FRMPD4: variants seen among roughly 807,000 people sequenced by gnomAD.
FRMPD4 encodes FERM and PDZ domain-containing protein 4.
In FRMPD4, 22 loss-of-function variants were observed where a neutral mutation model predicts 94.1. That is an observed-to-expected ratio of 0.23 (90% CI 0.17 to 0.33). The LOEUF is 0.33. Ranked by LOEUF, FRMPD4 falls within the 10% of genes least tolerant of loss-of-function variation. The pLI is 1.00. For missense variants in FRMPD4, 1,111 were observed against 1,339.9 expected, an observed-to-expected ratio of 0.83 and a Z score of 2.67; for synonymous variants, 631 against 548.6, an observed-to-expected ratio of 1.15 and a Z score of -2.10.
At chrX:11,841,649 C>A (rs995772137) in intron 1 of FRMPD4, among the ~76,000 whole-genome samples, 2 of 110,766 alleles carry the variant, frequency 1.8e-5, no homozygotes, top group Admixed American at 9.6e-5. Context: ...GGATATTAGC[C>A]CTTTGTCACA....
intron 1 of FRMPD4, among the ~76,000 whole-genome samples, chrX:12,211,874 T>C (rs2056758708): frequency 1.8e-5 from 2 of 112,194 alleles, no homozygotes; most frequent in African/African-American, 6.5e-5. Context: ...ATTTTCTTAT[T>C]CCTTTCAGCT....
At chrX:12,236,058 C>A (rs2057067282) in intron 1 of FRMPD4, among the ~76,000 whole-genome samples, 1 of 111,513 alleles carries the variant, frequency 9.0e-6, no homozygotes, top group African/African-American at 3.3e-5. Flanking sequence ...AGGACACAGA[C>A]ACTAAACCAG....
At position 12,710,407 on chromosome X, in the gene FRMPD4, G is replaced by A. The variant is rs773949472; in HGVS notation, c.1479G>A (p.Thr493=). Residue 493 remains threonine (T), a synonymous_variant, in exon 14 of 17, where the codon ACG becomes ACA. Transcript: ENST00000675598. The part of the protein sequence containing the change: ...ELHVLDVKPI[T]LLMESSDAMN... ...TGTTCTCTTTTGTGTAGCCTATCAC[G>A]CTTCTGATGGAATCCTCAGATGCCA... The A allele has an allele frequency of 6.4e-5, 77 of 1,200,629 alleles. No homozygotes were observed. The East Asian group carries it at 1.3e-3, about 20-fold the overall frequency.
chrX:11,925,735 C>G (rs1246190986), intron 3 of FRMPD4, among the ~76,000 whole-genome samples: 1 of 111,889 alleles, frequency 8.9e-6, no homozygotes, highest in African/African-American at 3.2e-5. Context: ...ACCAGAATCT[C>G]TGGGACACAG....
intron 1 of FRMPD4, among the ~76,000 whole-genome samples, chrX:12,461,517 T>C (rs1175630660): frequency 8.9e-6 from 1 of 111,872 alleles, no homozygotes; most frequent in Non-Finnish European, 1.9e-5. Flanking sequence ...GCCATCAATG[T>C]CATAGTGAAT....
chrX:12,144,185 T>G (rs748296851), intron 1 of FRMPD4, among the ~76,000 whole-genome samples: 1 of 111,977 alleles, frequency 8.9e-6, no homozygotes, highest in South Asian at 3.7e-4. Context: ...ACCAGATAAG[T>G]GGATTTAGTT....
chrX:12,666,254 A>G (rs1437806458), intron 4 of FRMPD4, among the ~76,000 whole-genome samples: 1 of 111,852 alleles, frequency 8.9e-6, no homozygotes, highest in Non-Finnish European at 1.9e-5. Context: ...TATGCACCCA[A>G]TACAGGAGCA....
upstream of FRMPD4, among the ~76,000 whole-genome samples, chrX:12,137,566 TG>T (rs1160329009): frequency 3.2e-3 from 357 of 111,384 alleles, 1 homozygote; most frequent in African/African-American, 0.011. Context: ...CTTCACAGTC[TG>T]GGGGGAAATT....
Position 12,571,456 on chromosome X carries a change from C to T in FRMPD4, c.159-38265C>T, listed in dbSNP as rs778145903. Among the ~76,000 whole-genome samples the T allele has an allele frequency of 7.1e-5, 8 of 112,654 alleles. No individual in the cohort carries two copies. The East Asian group carries it at 2.2e-3, about 31-fold the overall frequency. ...CCCCTCCCTCTTCCTGCCTGTTTCCCCTTTCTCCTAGGAGCCATTTCAGGC... is the reference window on the plus strand; with the variant it reads ...CCCCTCCCTCTTCCTGCCTGTTTCCTCTTTCTCCTAGGAGCCATTTCAGGC... On this transcript the variant is annotated intron_variant, in intron 2 of 16. Coordinates refer to ENST00000675598, the MANE Select transcript of FRMPD4 (RefSeq NM_001368397.1).
chrX:12,227,527 G>A (rs1324142752), intron 1 of FRMPD4, among the ~76,000 whole-genome samples: 3 of 112,016 alleles, frequency 2.7e-5, no homozygotes, highest in African/African-American at 9.7e-5. Context: ...GTGGCCAGGT[G>A]TGGTGGCTCA....
intron 2 of FRMPD4, among the ~76,000 whole-genome samples, chrX:12,582,754 C>T (rs5979671): frequency 0.19 from 21,300 of 111,150 alleles, 2,077 homozygotes; most frequent in African/African-American, 0.37. Context: ...TCTGTGCACA[C>T]AGGCAAAGCA....
chrX:12,188,125 A>G (rs1450228052), intron 1 of FRMPD4, among the ~76,000 whole-genome samples: 1 of 111,763 alleles, frequency 8.9e-6, no homozygotes, highest in Non-Finnish European at 1.9e-5. Context: ...TCCCAGCCCT[A>G]CAACCTATCA....
chrX:12,610,451 A>G (rs2059170652), intron 3 of FRMPD4, among the ~76,000 whole-genome samples: 1 of 112,856 alleles, frequency 8.9e-6, no homozygotes, highest in African/African-American at 3.2e-5. Flanking sequence ...CCATGGCTAT[A>G]AGAAGAGAGT....
At chrX:12,354,517 T>C (rs947589694) in intron 1 of FRMPD4, among the ~76,000 whole-genome samples, 1 of 112,360 alleles carries the variant, frequency 8.9e-6, no homozygotes, top group Non-Finnish European at 1.9e-5. Context: ...GAGTTCATTT[T>C]CATGGTTTCA....
At chrX:12,494,177 C>T (rs1320146664) in intron 1 of FRMPD4, among the ~76,000 whole-genome samples, 5 of 112,163 alleles carry the variant, frequency 4.5e-5, no homozygotes, top group Non-Finnish European at 7.5e-5. Context: ...ACATTATCTT[C>T]TTGTAACAGT....
chrX:11,911,332 G>A (rs1333979913), intron 3 of FRMPD4, among the ~76,000 whole-genome samples: 2 of 112,399 alleles, frequency 1.8e-5, no homozygotes, highest in African/African-American at 3.2e-5. Context: ...TGAGAGAGGT[G>A]AGAGGACATT....
chrX:12,540,554 T>C (rs2058396512), intron 2 of FRMPD4, among the ~76,000 whole-genome samples: 1 of 111,851 alleles, frequency 8.9e-6, no homozygotes, highest in Non-Finnish European at 1.9e-5. Flanking sequence ...CCTAAATATA[T>C]ATGCACCCAA....
At chrX:12,092,365 C>G (rs2055160621) in intron 3 of FRMPD4, among the ~76,000 whole-genome samples, 1 of 111,889 alleles carries the variant, frequency 8.9e-6, no homozygotes, top group Admixed American at 9.5e-5. Flanking sequence ...TGATGTTTTC[C>G]TCGTTTTCCA....
chrX:12,515,506 C>T (rs746154953), intron 2 of FRMPD4, among the ~76,000 whole-genome samples: 4 of 111,583 alleles, frequency 3.6e-5, no homozygotes, highest in Admixed American at 9.5e-5. Context: ...TGGTTTTGAG[C>T]GAGTTTCTTA....
Sources: gnomAD v4.1 joint callset for allele counts (sites outside exome capture counted in the v4.1 genomes callset) on GRCh38, gnomAD v4.1.1 for gene constraint, MANE v1.5 for transcripts, NCBI Gene and HGNC (gene_info 2026-07-23, HGNC 2026-07-21) for gene names.